The following PLCH2 variants were observed in gnomAD, a reference collection of about 807,000 sequenced individuals.
PLCH2 encodes the protein 1-phosphatidylinositol 4,5-bisphosphate phosphodiesterase eta-2.
A neutral mutation model predicts 134.7 loss-of-function variants in PLCH2; 98 were observed. The observed-to-expected ratio is 0.73, with a 90% CI of 0.62 to 0.86. PLCH2 has a LOEUF of 0.86. Among genes scored for constraint, PLCH2 ranks in the 40% least tolerant of loss-of-function variants. The pLI, the probability that PLCH2 is intolerant of heterozygous loss-of-function variation, is 0.00. For synonymous variants in PLCH2, 974 were observed against 827.5 expected (o/e 1.18, Z -3.04); for missense variants, 1,994 against 1,986.6 (o/e 1.00, Z -0.07).
At position 2,480,285 on chromosome 1, in the gene PLCH2, C is replaced by G. The variant is rs765620447; in HGVS notation, c.618C>G (p.Pro206=). ...QLLHKLNVNL[P]RQRVKQMFRE... is the part of the protein sequence containing the mutation. The stretch of plus-strand genomic sequence containing the variant: ...TGCACAAGCTCAACGTGAACCTGCC[C>G]CGGCAGAGGGTGAAGCAGATGTTCA... Residue 206 remains proline, a synonymous_variant, in exon 4 of 22, where the codon CCC becomes CCG. Transcript: ENST00000378486. The G allele has an allele frequency of 6.2e-7, 1 of 1,612,664 alleles. No individual in the cohort carries two copies. Among genetic ancestry groups the G allele is most frequent in the South Asian group, 1.1e-5 (1 of 91,072 alleles).
Position 2,502,420 on chromosome 1 carries a change from A to C in PLCH2, c.2959+11A>C, listed in dbSNP as rs1264484834. 6.5e-7 allele frequency: 1 copy of C among 1,544,060 alleles called. No homozygotes were observed. The highest frequency in any genetic ancestry group is 1.4e-5 in the African/African-American group (1 of 72,904). The stretch of plus-strand genomic sequence containing the variant: ...GCGGCAGCCCCCGAGGTAAGGCGCC[A>C]GCTGCGGTGGCAGAGAAGAGCCCTG... On this transcript the variant is annotated intron_variant, in intron 21 of 21. Coordinates refer to ENST00000378486, the MANE Select transcript of PLCH2 (RefSeq NM_014638.4).
intron 2 of PLCH2, chr1:2,479,456 G>T: frequency 2.6e-6 from 1 of 390,524 alleles, no homozygotes; most frequent in Non-Finnish European, 4.7e-6. Flanking sequence ...CGGGCACTGG[G>T]GGCTGCAGGT....
intron 15 of PLCH2, 81 bp downstream of exon 15, chr1:2,497,091 G>T (rs1642936065): frequency 8.6e-6 from 12 of 1,389,578 alleles, no homozygotes; most frequent in African/African-American, 1.4e-5. Flanking sequence ...GCGAGCAGGG[G>T]ACCCGCTGGG....
chr1:2,490,104 G>A (rs2100692793), intron 10 of PLCH2, among the ~76,000 whole-genome samples: 1 of 132,284 alleles, frequency 7.6e-6, no homozygotes, highest in East Asian at 2.2e-4. Context: ...GCTGACTCTT[G>A]GGGTACCATC....
At chr1:2,429,418 A>G (rs892550020) in intron 1 of PLCH2, among the ~76,000 whole-genome samples, 1 of 152,134 alleles carries the variant, frequency 6.6e-6, no homozygotes, top group Non-Finnish European at 1.5e-5. Context: ...GGCAGGCACC[A>G]AGGAAAAGGT....
At chr1:2,471,755 G>A (rs575612815), upstream of PLCH2, among the ~76,000 whole-genome samples, 44 of 152,268 alleles carry the variant, frequency 2.9e-4, 1 homozygote, top group East Asian at 4.6e-3. Flanking sequence ...GACACTGGCC[G>A]TTCCAGCTCC....
intron 2 of PLCH2, among the ~76,000 whole-genome samples, chr1:2,458,894 G>A (rs57308157): frequency 1.3e-5 from 2 of 152,358 alleles, no homozygotes; most frequent in South Asian, 2.1e-4. Flanking sequence ...GTCCCCGTGC[G>A]CTGTGATGTG....
chr1:2,469,323 G>A (rs1254529213), intron 1 of PLCH2, among the ~76,000 whole-genome samples: 1 of 152,232 alleles, frequency 6.6e-6, no homozygotes, highest in African/African-American at 2.4e-5. Flanking sequence ...AGTCTTAGGA[G>A]GGGGCAGTGG....
chr1:2,481,014 G>T (rs147852841), intron 4 of PLCH2, among the ~76,000 whole-genome samples: 1 of 152,194 alleles, frequency 6.6e-6, no homozygotes, highest in Admixed American at 6.5e-5. Flanking sequence ...GCACATACAC[G>T]CACACACACG....
At chr1:2,503,161 A>G (rs1643333599) in intron 21 of PLCH2, 1 of 634,678 alleles carries the variant, frequency 1.6e-6, no homozygotes, top group Non-Finnish European at 2.9e-6. Context: ...GGCTGGGAAG[A>G]ACCAGCTGCT....
At chr1:2,472,020 C>T (rs567291410), upstream of PLCH2, among the ~76,000 whole-genome samples, 2 of 152,160 alleles carry the variant, frequency 1.3e-5, no homozygotes, top group African/African-American at 2.4e-5. Context: ...GCCCCACAGG[C>T]CCCGGGCACT....
At position 2,503,998 on chromosome 1, in the gene PLCH2, AG is replaced by A; in HGVS notation, c.3038del (p.Gly1013AlafsTer33). 1 of 1,421,508 alleles carries A rather than the reference AG, an allele frequency of 7.0e-7. No individual in the cohort carries two copies. Among genetic ancestry groups the A allele is most frequent in the Non-Finnish European group, 9.3e-7 (1 of 1,073,466 alleles). The allele number at this position is 1,421,508 out of a possible 1,614,324, so 88.1% of individuals were successfully genotyped here. A position where few individuals can be genotyped will look rare whatever the true frequency, so the allele number is the denominator to read the frequency against. On this transcript the variant is annotated frameshift_variant, in exon 22 of 22. Coordinates refer to ENST00000378486, the MANE Select transcript of PLCH2 (RefSeq NM_014638.4). LOFTEE classifies it high-confidence loss of function. ...AAACCATCGCTGAGGAGCCCGCCCC[AG>A]GCCCTGGTCCCCCGCCACCAGCGGC... The part of the protein sequence containing the change: ...LETIAEEPAP[G>X]PGPPPPAAVP...
intron 2 of PLCH2, among the ~76,000 whole-genome samples, chr1:2,456,868 C>G (rs1413683200): frequency 2.6e-5 from 4 of 152,164 alleles, no homozygotes; most frequent in African/African-American, 9.7e-5. Context: ...GAGAGCAGGT[C>G]TCACAGCCAC....
In PLCH2 at chr1:2,503,572, C is replaced by G. The variant is rs769165621; in HGVS notation, c.2960-350C>G. ...CACCACCCTGCCCCTCCAGACCCCC[C>G]TGACCAAGCTTTCCTTTCTGCCCCC... On this transcript the variant is annotated intron_variant, in intron 21 of 21. Coordinates refer to ENST00000378486, the MANE Select transcript of PLCH2 (RefSeq NM_014638.4). The G allele has an allele frequency of 1.9e-5, 13 of 686,740 alleles. No homozygotes were observed. In the South Asian group the frequency reaches 2.0e-4, roughly 10 times the overall value. 42.5% of individuals were successfully genotyped at this position (686,740 alleles called of 1,614,324 possible).
chr1:2,418,537 C>G, the PLCH2 span, among the ~76,000 whole-genome samples: 535 of 152,344 alleles, frequency 3.5e-3, 5 homozygotes, highest in East Asian at 0.016. Context: ...TGTGGGTCAT[C>G]CACTCCTGTT....
chr1:2,429,476 G>A (rs1638962634), intron 1 of PLCH2, among the ~76,000 whole-genome samples: 3 of 152,188 alleles, frequency 2.0e-5, no homozygotes, highest in Admixed American at 6.5e-5. Flanking sequence ...AGGAGTTGGC[G>A]GGTGATGTGG....
intron 9 of PLCH2, among the ~76,000 whole-genome samples, 176 bp from the exon 10 acceptor site, chr1:2,489,584 C>G (rs995285434): frequency 1.3e-5 from 2 of 152,250 alleles, no homozygotes; most frequent in Non-Finnish European, 2.9e-5. Flanking sequence ...CCTTTCCCTT[C>G]ACGCTGCTGC....
intron 1 of PLCH2, among the ~76,000 whole-genome samples, chr1:2,430,103 G>T (rs543162404): frequency 2.0e-5 from 3 of 152,236 alleles, no homozygotes; most frequent in East Asian, 3.9e-4. Context: ...TTCAGGGCAG[G>T]GTCCTGTGGC....
intron 1 of PLCH2, among the ~76,000 whole-genome samples, chr1:2,429,764 G>A (rs1638976345): frequency 6.6e-6 from 1 of 152,212 alleles, no homozygotes; most frequent in African/African-American, 2.4e-5. Flanking sequence ...CTGGAGAAAG[G>A]AGAAAGGGCT....
Sources: gnomAD v4.1 joint callset for allele counts (sites outside exome capture counted in the v4.1 genomes callset) on GRCh38, gnomAD v4.1.1 for gene constraint, MANE v1.5 for transcripts, NCBI Gene and HGNC (gene_info 2026-07-23, HGNC 2026-07-21) for gene names.